PLD5: variants seen among roughly 807,000 people sequenced by gnomAD.
The protein encoded by PLD5 is inactive phospholipase D5.
In PLD5, 36 loss-of-function variants were observed where a neutral mutation model predicts 61.1. The ratio of observed to expected loss-of-function variants is 0.59; its 90% CI spans 0.45 to 0.78. The LOEUF (loss-of-function observed/expected upper bound fraction) is 0.78. PLD5 is among the 30% of genes least tolerant of loss of function. The probability of loss-of-function intolerance (pLI) is 0.00; values close to 1 mark genes in which losing one functional copy is unlikely to be tolerated. For synonymous variants in PLD5, 243 were observed against 242.8 expected (o/e 1.00, Z -0.01); for missense variants, 515 against 644.4 (o/e 0.80, Z 2.17).
At chr1:242,462,186 A>C (rs1047405092) in intron 1 of PLD5, among the ~76,000 whole-genome samples, 1 of 152,222 alleles carries the variant, frequency 6.6e-6, no homozygotes, top group Non-Finnish European at 1.5e-5. Context: ...ACATGCGCTC[A>C]TATGTTCCTC....
At chr1:242,178,410 T>A (rs907948507) in intron 5 of PLD5, 1 of 152,090 alleles carries the variant, frequency 6.6e-6, no homozygotes, top group Non-Finnish European at 1.5e-5. Flanking sequence ...ATCTATGGGG[T>A]CCCTCACTGT....
chr1:242,089,541 T>C lies in PLD5; in HGVS notation c.*313A>G. 2.0e-6 allele frequency: 1 copy of C among 510,290 alleles called. No individual in the cohort carries two copies. The highest frequency in any genetic ancestry group is 3.4e-6 in the Non-Finnish European group (1 of 293,308). 31.6% of individuals were successfully genotyped at this position (510,290 alleles called of 1,614,324 possible). ...CTAAGCTTCCTAACAACTGACCGGG[T>C]AGGTCAGCAGAAAAAGTTCTAAAAC... is the stretch of plus-strand genomic sequence containing the variant. On this transcript the variant is annotated 3_prime_UTR_variant, in exon 10 of 10. Coordinates refer to ENST00000536534, the MANE Select transcript of PLD5 (RefSeq NM_001372062.1).
chr1:242,280,294 C>CT (rs1674649666), intron 3 of PLD5, among the ~76,000 whole-genome samples: 2 of 152,150 alleles, frequency 1.3e-5, no homozygotes, highest in African/African-American at 4.8e-5. Flanking sequence ...CCCTGTAGTA[C>CT]ATGGATCTGG....
intron 4 of PLD5, among the ~76,000 whole-genome samples, chr1:242,257,037 C>CA (rs1673095692): frequency 1.7e-4 from 14 of 82,500 alleles, no homozygotes; most frequent in Admixed American, 9.8e-4. Context: ...ACCTACCTAC[C>CA]TTCTATCTAT....
intron 1 of PLD5, among the ~76,000 whole-genome samples, chr1:242,458,727 C>T (rs1451947688): frequency 1.3e-5 from 2 of 151,948 alleles, no homozygotes; most frequent in African/African-American, 2.4e-5. Context: ...AACATAATTA[C>T]CTGTGTTAAT....
intron 1 of PLD5, among the ~76,000 whole-genome samples, chr1:242,377,858 G>A (rs12084799): frequency 0.027 from 4,061 of 152,128 alleles, 167 homozygotes; most frequent in African/African-American, 0.093. Flanking sequence ...TACAAAAAAC[G>A]GAAAATAACA....
chr1:242,295,281 C>T (rs1234578045), intron 2 of PLD5, among the ~76,000 whole-genome samples: 4 of 152,152 alleles, frequency 2.6e-5, no homozygotes, highest in East Asian at 3.9e-4. Flanking sequence ...ATCCGTCCCC[C>T]TCTTCTCCTC....
intron 5 of PLD5, among the ~76,000 whole-genome samples, chr1:242,209,957 G>C (rs1009130876): frequency 6.6e-6 from 1 of 152,150 alleles, no homozygotes; most frequent in Non-Finnish European, 1.5e-5. Context: ...ACTACATCCA[G>C]CTAATTTTTG....
chr1:242,327,802 C>T (rs897506506), intron 2 of PLD5, among the ~76,000 whole-genome samples: 1 of 152,142 alleles, frequency 6.6e-6, no homozygotes. Flanking sequence ...ATTAAAAACT[C>T]TATCAAGAAC....
intron 5 of PLD5, among the ~76,000 whole-genome samples, chr1:242,158,571 A>G (rs1302482956): frequency 6.6e-6 from 1 of 151,960 alleles, no homozygotes; most frequent in Admixed American, 6.6e-5. Context: ...AGGGGAGAAA[A>G]TTCCCCAACC....
chr1:242,530,518 C>G, the PLD5 span, among the ~76,000 whole-genome samples: 3 of 152,308 alleles, frequency 2.0e-5, no homozygotes, highest in East Asian at 5.8e-4. Flanking sequence ...GTTAATCAGA[C>G]AGTTGCCTAA....
At chr1:242,499,157 T>C (rs1344030104) in intron 1 of PLD5, among the ~76,000 whole-genome samples, 1 of 152,208 alleles carries the variant, frequency 6.6e-6, no homozygotes, top group Non-Finnish European at 1.5e-5. Flanking sequence ...ACTATTCCTT[T>C]AATTTTCATC....
At chr1:242,252,102 G>A (rs1396125744) in intron 4 of PLD5, among the ~76,000 whole-genome samples, 1 of 152,164 alleles carries the variant, frequency 6.6e-6, no homozygotes, top group Non-Finnish European at 1.5e-5. Context: ...GTAGGAGGAA[G>A]TTAGTTGAAT....
At chr1:242,362,532 A>T (rs1367662810) in intron 1 of PLD5, among the ~76,000 whole-genome samples, 4 of 152,182 alleles carry the variant, frequency 2.6e-5, no homozygotes, top group Admixed American at 1.3e-4. Flanking sequence ...CTGGCCCTAT[A>T]GGCCTTTCCT....
intron 4 of PLD5, among the ~76,000 whole-genome samples, chr1:242,223,328 G>A (rs1274910563): frequency 6.6e-6 from 1 of 152,194 alleles, no homozygotes; most frequent in African/African-American, 2.4e-5. Context: ...ACAAACATTT[G>A]GAGCACAGTA....
At chr1:242,522,077 T>G (rs1503802) in intron 1 of PLD5, among the ~76,000 whole-genome samples, 57,552 of 151,766 alleles carry the variant, frequency 0.38, 11,120 homozygotes, top group African/African-American at 0.43. Context: ...ATACCACCAA[T>G]AAATTTATTT....
intron 5 of PLD5, among the ~76,000 whole-genome samples, chr1:242,189,510 T>G (rs764153714): frequency 2.3e-4 from 35 of 151,282 alleles, no homozygotes; most frequent in Non-Finnish European, 4.0e-4. Flanking sequence ...GGTGTTCATC[T>G]GTCAGTCAGC....
chr1:242,314,610 T>G (rs1676897281), intron 2 of PLD5, among the ~76,000 whole-genome samples: 1 of 152,196 alleles, frequency 6.6e-6, no homozygotes, highest in Non-Finnish European at 1.5e-5. Context: ...TCTCTTTTCT[T>G]CTTTTCCCTC....
intron 4 of PLD5, among the ~76,000 whole-genome samples, chr1:242,237,969 C>CCCTACCTAGCTTTGCATACACCCCTCAT (rs1362258596): frequency 6.6e-6 from 1 of 152,094 alleles, no homozygotes; most frequent in Non-Finnish European, 1.5e-5. Flanking sequence ...TGTGTCTGAA[C>CCCTACCTAGCTTTGCATACACCCCTCAT]CCTACCTAGC....
Sources: allele counts gnomAD v4.1 joint callset (sites outside exome capture counted in the v4.1 genomes callset), GRCh38; gene constraint gnomAD v4.1.1; transcripts MANE v1.5; gene names NCBI Gene and HGNC (gene_info 2026-07-23, HGNC 2026-07-21).